COL28A1: variants seen among roughly 807,000 people sequenced by gnomAD.
COL28A1 encodes the protein collagen alpha-1(XXVIII) chain.
COL28A1 carries 161 observed loss-of-function variants against 150.2 expected under a neutral mutation model. The observed-to-expected ratio is 1.07, with a 90% CI of 0.94 to 1.22. The LOEUF is 1.22. Among genes scored for constraint, COL28A1 ranks in the 50% most tolerant of loss-of-function variants. COL28A1 has a pLI of 0.00. For synonymous variants in COL28A1, 552 were observed against 469.7 expected (o/e 1.18, Z -2.26); for missense variants, 1,617 against 1,388.3 (o/e 1.16, Z -2.62).
chr7:7,384,628 A>G (rs1437839123), intron 27 of COL28A1, among the ~76,000 whole-genome samples: 1 of 152,198 alleles, frequency 6.6e-6, no homozygotes, highest in African/African-American at 2.4e-5. Flanking sequence ...AAAACATAGC[A>G]TATTTAGGGT....
chr7:7,525,049 G>C (rs2023999), intron 3 of COL28A1, among the ~76,000 whole-genome samples: 1 of 151,824 alleles, frequency 6.6e-6, no homozygotes, highest in Non-Finnish European at 1.5e-5. Flanking sequence ...TAACTTAGGG[G>C]AAAAACTAAG....
intron 8 of COL28A1, chr7:7,511,735 G>A (rs1562875217): frequency 2.1e-6 from 1 of 470,944 alleles, no homozygotes; most frequent in Admixed American, 2.3e-5. Flanking sequence ...GTGGGAACAG[G>A]TGCCATGATG....
the COL28A1 span, among the ~76,000 whole-genome samples, chr7:7,543,198 G>A: frequency 2.5e-3 from 381 of 152,136 alleles, 1 homozygote; most frequent in African/African-American, 8.8e-3. Context: ...CCAATCTATG[G>A]TTGTAATTGA....
chr7:7,525,431 G>A (rs1583571475), intron 3 of COL28A1, among the ~76,000 whole-genome samples: 2 of 152,304 alleles, frequency 1.3e-5, no homozygotes, highest in African/African-American at 4.8e-5. Flanking sequence ...ACAAACGCTG[G>A]AAAGAAACTA....
chr7:7,494,628 G>C (rs1780107296), intron 11 of COL28A1, among the ~76,000 whole-genome samples: 1 of 152,006 alleles, frequency 6.6e-6, no homozygotes, highest in Non-Finnish European at 1.5e-5. Flanking sequence ...ACTAATAATA[G>C]GTAAATAACA....
intron 3 of COL28A1, among the ~76,000 whole-genome samples, chr7:7,527,148 T>C (rs1782070385): frequency 6.6e-6 from 1 of 152,244 alleles, no homozygotes; most frequent in Non-Finnish European, 1.5e-5. Context: ...TGCTGGAATT[T>C]ATATTTCTAT....
chr7:7,374,881 C>T (rs868212584), intron 31 of COL28A1, among the ~76,000 whole-genome samples: 16 of 152,304 alleles, frequency 1.1e-4, no homozygotes, highest in Middle Eastern at 6.8e-3. Context: ...CATCATTATT[C>T]CATTAGTCTC....
downstream of COL28A1, among the ~76,000 whole-genome samples, chr7:7,353,714 A>G (rs554051334): frequency 1.0e-3 from 152 of 152,268 alleles, no homozygotes; most frequent in African/African-American, 3.2e-3. Flanking sequence ...AAAGGGACAA[A>G]CACCCAAGTC....
rs546405905 is a variant in COL28A1, at chr7:7,520,085, C to T, written c.790G>A (p.Glu264Lys). The part of the protein sequence containing the change: ...GTHGNPGIKG[E>K]RGPKGNPGNA... ...ACCGGGTTTCCTTTTGGTCCTCGCT[C>T]ACCTTTGATACCTGGATTTCCATGT... Residue 264 changes from glutamate to lysine, a missense_variant, in exon 6 of 35, where the codon GAG (glutamate) becomes AAG (lysine). Coordinates refer to ENST00000399429, the MANE Select transcript of COL28A1 (RefSeq NM_001037763.3). 193 of 1,443,896 alleles carry T rather than the reference C, an allele frequency of 1.3e-4. 4 individuals are homozygous for T. In the South Asian group the frequency reaches 1.4e-3, roughly 10 times the overall value. 89.4% of individuals were successfully genotyped at this position (1,443,896 alleles called of 1,614,324 possible). A position where few individuals can be genotyped will look rare whatever the true frequency, so the allele number is the denominator to read the frequency against.
chr7:7,383,499 A>G (rs995267158), intron 27 of COL28A1, among the ~76,000 whole-genome samples: 4 of 151,660 alleles, frequency 2.6e-5, no homozygotes, highest in African/African-American at 9.7e-5. Context: ...GTCTGGTCTC[A>G]AACTCCTGAC....
At chr7:7,508,920 G>C (rs969290394) in intron 9 of COL28A1, among the ~76,000 whole-genome samples, 1 of 152,012 alleles carries the variant, frequency 6.6e-6, no homozygotes, top group Non-Finnish European at 1.5e-5. Context: ...TGCAACCTCT[G>C]CCTCCCAGGT....
At chr7:7,440,937 G>T in intron 20 of COL28A1, 76 bp from the exon 21 acceptor site, 1 of 745,056 alleles carries the variant, frequency 1.3e-6, no homozygotes, top group East Asian at 2.5e-5. Context: ...GGACCATAGC[G>T]GAGCCGGATT....
At chr7:7,543,086 T>A in the COL28A1 span, among the ~76,000 whole-genome samples, 1 of 152,324 alleles carries the variant, frequency 6.6e-6, no homozygotes, top group African/African-American at 2.4e-5. Flanking sequence ...AATTTTCAAA[T>A]AATAATAAAA....
intron 15 of COL28A1, among the ~76,000 whole-genome samples, chr7:7,471,293 C>T (rs1409606676): frequency 4.0e-5 from 6 of 151,816 alleles, no homozygotes; most frequent in Non-Finnish European, 7.4e-5. Flanking sequence ...TTCTACCAGA[C>T]ATTCAAAGAA....
intron 13 of COL28A1, among the ~76,000 whole-genome samples, chr7:7,478,774 G>A (rs1343234413): frequency 6.6e-6 from 1 of 152,274 alleles, no homozygotes. Flanking sequence ...ACCCTCCGCA[G>A]CTGCTGGCGC....
intron 24 of COL28A1, 42 bp from the exon 25 acceptor site, chr7:7,432,583 T>A: frequency 6.2e-7 from 1 of 1,605,032 alleles, no homozygotes; most frequent in Non-Finnish European, 8.5e-7. Context: ...ATCCTTGTAG[T>A]ATGCAACACT....
At chr7:7,527,203 T>C (rs965053174) in intron 3 of COL28A1, among the ~76,000 whole-genome samples, 1 of 152,228 alleles carries the variant, frequency 6.6e-6, no homozygotes, top group African/African-American at 2.4e-5. Flanking sequence ...TAAGACTGTT[T>C]CAAACAAAGA....
At chr7:7,534,385 AAAT>A (rs1313422385) in intron 1 of COL28A1, among the ~76,000 whole-genome samples, 1 of 152,196 alleles carries the variant, frequency 6.6e-6, no homozygotes, top group African/African-American at 2.4e-5. Flanking sequence ...CCAAGGAAAA[AAAT>A]AAATGATGTA....
At chr7:7,434,157 CTTCT>C (rs946108486) in intron 23 of COL28A1, among the ~76,000 whole-genome samples, 6 of 152,060 alleles carry the variant, frequency 3.9e-5, no homozygotes, top group Non-Finnish European at 8.8e-5. Context: ...TGTGGTTAAC[CTTCT>C]TAAGAATGAT....
Sources: gnomAD v4.1 joint callset for allele counts (sites outside exome capture counted in the v4.1 genomes callset) on GRCh38, gnomAD v4.1.1 for gene constraint, MANE v1.5 for transcripts, NCBI Gene and HGNC (gene_info 2026-07-23, HGNC 2026-07-21) for gene names.